The following SGCZ variants were observed in gnomAD, a reference collection of about 807,000 sequenced individuals.
SGCZ encodes zeta-sarcoglycan.
SGCZ carries 40 observed loss-of-function variants against 41.3 expected under a neutral mutation model. That is an observed-to-expected ratio of 0.97 (90% CI 0.75 to 1.26). SGCZ has a LOEUF of 1.26. SGCZ is among the 50% of genes most tolerant of loss of function. The pLI is 0.00. For missense variants in SGCZ, 552 were observed against 369.8 expected (o/e 1.49, Z -4.04); for synonymous variants, 206 against 137.5 (o/e 1.50, Z -3.49).
chr8:14,219,880 C>G (rs1255464556), intron 4 of SGCZ, among the ~76,000 whole-genome samples: 1 of 152,066 alleles, frequency 6.6e-6, no homozygotes, highest in Admixed American at 6.5e-5. Context: ...GTTTCTACAA[C>G]CAGTAGGATG....
At chr8:14,220,515 A>T (rs1806155936) in intron 4 of SGCZ, among the ~76,000 whole-genome samples, 3 of 152,062 alleles carry the variant, frequency 2.0e-5, no homozygotes, top group African/African-American at 7.2e-5. Flanking sequence ...ACTTTGTAAA[A>T]ATCCCTCAGG....
chr8:14,794,716 G>T (rs920405156), intron 1 of SGCZ, among the ~76,000 whole-genome samples: 8 of 152,102 alleles, frequency 5.3e-5, no homozygotes, highest in African/African-American at 1.9e-4. Flanking sequence ...ATGAAAATAG[G>T]CTCACGAAAA....
chr8:14,965,385 G>A (rs1443496948), intron 1 of SGCZ, among the ~76,000 whole-genome samples: 1 of 151,990 alleles, frequency 6.6e-6, no homozygotes, highest in Non-Finnish European at 1.5e-5. Flanking sequence ...TGAGAAAATC[G>A]ACATGAAAGA....
At chr8:14,534,886 G>A (rs114496949) in intron 2 of SGCZ, among the ~76,000 whole-genome samples, 292 of 151,962 alleles carry the variant, frequency 1.9e-3, no homozygotes, top group African/African-American at 5.1e-3. Flanking sequence ...TAAGCATAAG[G>A]GAAAGAATGT....
At chr8:14,239,334 G>C (rs1048310489) in intron 3 of SGCZ, among the ~76,000 whole-genome samples, 2 of 151,744 alleles carry the variant, frequency 1.3e-5, no homozygotes, top group Non-Finnish European at 2.9e-5. Flanking sequence ...TTAAAAAGGA[G>C]CTTTGAATTA....
chr8:15,107,677 AGT>A (rs1806885212), intron 1 of SGCZ, among the ~76,000 whole-genome samples: 1 of 152,122 alleles, frequency 6.6e-6, no homozygotes, highest in Admixed American at 6.6e-5. Context: ...TTTTGTTTTA[AGT>A]TACCCAGCCT....
intron 1 of SGCZ, among the ~76,000 whole-genome samples, chr8:14,584,089 A>G (rs1428906400): frequency 1.3e-5 from 2 of 152,148 alleles, no homozygotes; most frequent in Non-Finnish European, 2.9e-5. Flanking sequence ...CTTAAATATT[A>G]AACGTTAATA....
intron 1 of SGCZ, among the ~76,000 whole-genome samples, chr8:15,118,889 G>A (rs1327050656): frequency 6.6e-6 from 1 of 152,168 alleles, no homozygotes; most frequent in Non-Finnish European, 1.5e-5. Context: ...TTTTAAAGGA[G>A]TATAGACACG....
rs187524263 is a variant in SGCZ, at chr8:14,755,065, G to C, written c.40-200139C>G. Among the ~76,000 whole-genome samples, 6 of 151,946 alleles carry C rather than the reference G, an allele frequency of 3.9e-5. 1 individual carries two copies. The East Asian group carries it at 5.8e-4, about 15-fold the overall frequency. The stretch of plus-strand genomic sequence containing the variant: ...AACATAGTTTTAATGGTAGTTTTTA[G>C]GTTTCAATGTCTTATTCATGTTGTT... On this transcript the variant is annotated intron_variant, in intron 1 of 7. Coordinates refer to ENST00000382080, the MANE Select transcript of SGCZ (RefSeq NM_139167.4).
At chr8:14,497,070 G>A (rs1422041722) in intron 2 of SGCZ, among the ~76,000 whole-genome samples, 2 of 152,130 alleles carry the variant, frequency 1.3e-5, no homozygotes, top group Admixed American at 6.5e-5. Context: ...ATTCACTTCT[G>A]TAAATAGCCT....
intron 3 of SGCZ, among the ~76,000 whole-genome samples, chr8:14,297,047 G>A (rs1801035672): frequency 6.6e-6 from 1 of 151,964 alleles, no homozygotes; most frequent in Non-Finnish European, 1.5e-5. Context: ...TCAGCATCCT[G>A]AGTAGTGAGG....
chr8:14,187,088 C>A (rs1259735843), intron 4 of SGCZ, among the ~76,000 whole-genome samples: 1 of 152,128 alleles, frequency 6.6e-6, no homozygotes, highest in African/African-American at 2.4e-5. Context: ...TCTAAGGTGG[C>A]TGAGTACACA....
At chr8:15,049,268 A>C (rs1453053756) in intron 1 of SGCZ, among the ~76,000 whole-genome samples, 1 of 152,108 alleles carries the variant, frequency 6.6e-6, no homozygotes, top group Non-Finnish European at 1.5e-5. Context: ...TGAGCATTTA[A>C]GGGAGGAAAT....
intron 1 of SGCZ, among the ~76,000 whole-genome samples, chr8:14,782,991 T>C (rs1243828934): frequency 6.6e-6 from 1 of 152,220 alleles, no homozygotes; most frequent in East Asian, 1.9e-4. Flanking sequence ...AACTTAAATA[T>C]TCTGCAGAAT....
intron 1 of SGCZ, among the ~76,000 whole-genome samples, chr8:14,766,314 A>G (rs913430833): frequency 2.0e-5 from 3 of 152,078 alleles, no homozygotes; most frequent in African/African-American, 7.2e-5. Flanking sequence ...AAAAATATAT[A>G]TATTATAAGG....
At chr8:15,001,412 G>A (rs1301284766) in intron 1 of SGCZ, among the ~76,000 whole-genome samples, 1 of 152,070 alleles carries the variant, frequency 6.6e-6, no homozygotes, top group Admixed American at 6.6e-5. Context: ...TGAATCAGTC[G>A]TGTGCATTCT....
At chr8:14,790,750 G>A (rs1474720961) in intron 1 of SGCZ, among the ~76,000 whole-genome samples, 1 of 152,076 alleles carries the variant, frequency 6.6e-6, no homozygotes, top group African/African-American at 2.4e-5. Flanking sequence ...ATAGTATACA[G>A]CCAGGAACGT....
At chr8:15,104,327 G>A (rs540592485) in intron 1 of SGCZ, among the ~76,000 whole-genome samples, 83 of 152,300 alleles carry the variant, frequency 5.4e-4, no homozygotes, top group Admixed American at 1.7e-3. Context: ...AGCAATGGAT[G>A]CAAAGCATTA....
chr8:14,455,719 G>C (rs1481048311), intron 2 of SGCZ, among the ~76,000 whole-genome samples: 4 of 152,196 alleles, frequency 2.6e-5, no homozygotes, highest in Non-Finnish European at 4.4e-5. Context: ...ACTTAGGAAA[G>C]TGGTTGAATA....
Sources: gnomAD v4.1 joint callset for allele counts (sites outside exome capture counted in the v4.1 genomes callset) on GRCh38, gnomAD v4.1.1 for gene constraint, MANE v1.5 for transcripts, NCBI Gene and HGNC (gene_info 2026-07-23, HGNC 2026-07-21) for gene names.